Variants in THSD7B observed in about 807,000 individuals in gnomAD.
The protein encoded by THSD7B is thrombospondin type 1 domain containing 7B.
Under a neutral mutation model 213.6 loss-of-function variants are expected in THSD7B, and 138 were observed. That is an observed-to-expected ratio of 0.65 (90% confidence interval 0.56 to 0.74). The LOEUF (loss-of-function observed/expected upper bound fraction) is 0.74. Ranked by LOEUF, THSD7B falls within the 30% of genes least tolerant of loss-of-function variation. THSD7B has a pLI of 0.00. For synonymous variants in THSD7B, 742 were observed against 687.0 expected, an observed-to-expected ratio of 1.08 and a Z score of -1.25; for missense variants, 1,931 against 1,991.5, an observed-to-expected ratio of 0.97 and a Z score of 0.58.
intron 5 of THSD7B, among the ~76,000 whole-genome samples, chr2:137,155,164 G>A (rs1308518883): frequency 6.6e-6 from 1 of 152,200 alleles, no homozygotes; most frequent in African/African-American, 2.4e-5. Flanking sequence ...ATTTGTCTGA[G>A]TTATATGTTA....
At chr2:136,943,434 T>A (rs535234366) in intron 2 of THSD7B, among the ~76,000 whole-genome samples, 1 of 152,320 alleles carries the variant, frequency 6.6e-6, no homozygotes, top group Non-Finnish European at 1.5e-5. Context: ...TTCTATTAAT[T>A]GGAATAGTTT....
chr2:137,254,937 C>G (rs1682271669), intron 10 of THSD7B, among the ~76,000 whole-genome samples: 1 of 151,662 alleles, frequency 6.6e-6, no homozygotes, highest in Admixed American at 6.6e-5. Flanking sequence ...AGGGGGGGCT[C>G]TCATAGTGGA....
At chr2:137,411,441 G>C (rs1263699224) in intron 13 of THSD7B, among the ~76,000 whole-genome samples, 168 bp from the exon 14 acceptor site, 1 of 152,136 alleles carries the variant, frequency 6.6e-6, no homozygotes, top group African/African-American at 2.4e-5. Context: ...CAGTTGTTCT[G>C]GGAGTTGTTT....
At chr2:137,041,156 T>C (rs1179025162) in intron 2 of THSD7B, among the ~76,000 whole-genome samples, 1 of 152,202 alleles carries the variant, frequency 6.6e-6, no homozygotes. Flanking sequence ...TGTTGTGTGT[T>C]TAATCAATTT....
intron 3 of THSD7B, among the ~76,000 whole-genome samples, chr2:137,058,947 A>G (rs573799687): frequency 1.8e-4 from 28 of 152,308 alleles, no homozygotes; most frequent in African/African-American, 6.7e-4. Flanking sequence ...TTTTTAAGCC[A>G]TCCAGCTTCT....
chr2:137,047,058 G>A (rs1001337375), intron 2 of THSD7B, among the ~76,000 whole-genome samples: 3 of 152,198 alleles, frequency 2.0e-5, no homozygotes, highest in Non-Finnish European at 4.4e-5. Flanking sequence ...GATATAATTA[G>A]GTCCTATAGG....
At chr2:137,567,133 CTATTTTATTTTATTTTATTT>C (rs375165713) in intron 16 of THSD7B, among the ~76,000 whole-genome samples, 24 of 137,680 alleles carry the variant, frequency 1.7e-4, no homozygotes, top group Middle Eastern at 3.7e-3. Context: ...GTGACATGCT[CTATTTTATTTTATTTTATTT>C]TATTTTATTT....
chr2:137,219,512 C>T (rs1681320605), intron 7 of THSD7B, among the ~76,000 whole-genome samples: 1 of 152,100 alleles, frequency 6.6e-6, no homozygotes, highest in African/African-American at 2.4e-5. Flanking sequence ...AAGGCAAGCT[C>T]ATCTTGCTTT....
chr2:137,642,705 C>A (rs540289581), intron 21 of THSD7B, 72 bp downstream of exon 21: 4 of 1,517,098 alleles, frequency 2.6e-6, no homozygotes, highest in Admixed American at 2.1e-5. Context: ...CAAACCTATG[C>A]GCTGATGGAA....
intron 3 of THSD7B, among the ~76,000 whole-genome samples, chr2:137,077,695 G>T (rs1687660015): frequency 6.6e-6 from 1 of 151,286 alleles, no homozygotes; most frequent in African/African-American, 2.4e-5. Context: ...TTGTAAATTT[G>T]TTTGAGTTCA....
intron 12 of THSD7B, among the ~76,000 whole-genome samples, chr2:137,354,408 C>T (rs967722203): frequency 7.9e-5 from 12 of 152,062 alleles, no homozygotes; most frequent in African/African-American, 2.4e-4. Flanking sequence ...GGTATACTGT[C>T]GGAAAGAGCA....
intron 3 of THSD7B, among the ~76,000 whole-genome samples, chr2:137,077,287 C>T (rs927522864): frequency 1.4e-4 from 21 of 152,158 alleles, no homozygotes; most frequent in African/African-American, 5.1e-4. Flanking sequence ...AATAAACATA[C>T]TTGTGCATGT....
chr2:137,050,110 T>C (rs1687041972), intron 2 of THSD7B, among the ~76,000 whole-genome samples: 1 of 152,174 alleles, frequency 6.6e-6, no homozygotes, highest in Non-Finnish European at 1.5e-5. Flanking sequence ...TAAGATTCTC[T>C]TGCCACTCCT....
chr2:136,801,684 C>T (rs185594620), intron 1 of THSD7B, among the ~76,000 whole-genome samples: 30 of 152,034 alleles, frequency 2.0e-4, no homozygotes, highest in Middle Eastern at 6.8e-3. Context: ...AAGTATAAGA[C>T]GACATTTTGA....
chr2:137,440,659 G>T (rs954461070), intron 14 of THSD7B, among the ~76,000 whole-genome samples: 2 of 152,014 alleles, frequency 1.3e-5, no homozygotes, highest in African/African-American at 4.8e-5. Flanking sequence ...TTCAAGGGAA[G>T]TCAGAAATGT....
chr2:137,627,088 G>A (rs77418705), intron 20 of THSD7B, among the ~76,000 whole-genome samples: 3,921 of 152,246 alleles, frequency 0.026, 169 homozygotes, highest in African/African-American at 0.088. Flanking sequence ...AGGGGAGCAG[G>A]CATGTGCAAA....
At chr2:137,427,259 C>T (rs192437669) in intron 14 of THSD7B, among the ~76,000 whole-genome samples, 1 of 152,148 alleles carries the variant, frequency 6.6e-6, no homozygotes, top group African/African-American at 2.4e-5. Context: ...AAATACTGAA[C>T]TAATATATGA....
At chr2:137,187,228 C>T (rs1246929193) in intron 7 of THSD7B, among the ~76,000 whole-genome samples, 1 of 152,082 alleles carries the variant, frequency 6.6e-6, no homozygotes, top group Non-Finnish European at 1.5e-5. Flanking sequence ...AGGACAGAGG[C>T]AACACTGAGA....
chr2:137,252,493 G>A (rs1682207382), intron 10 of THSD7B, among the ~76,000 whole-genome samples: 1 of 152,008 alleles, frequency 6.6e-6, no homozygotes, highest in South Asian at 2.1e-4. Flanking sequence ...GTAGAGATGG[G>A]GTCTCGCCAT....
Sources: allele counts gnomAD v4.1 joint callset (sites outside exome capture counted in the v4.1 genomes callset), GRCh38; gene constraint gnomAD v4.1.1; transcripts MANE v1.5; gene names NCBI Gene and HGNC (gene_info 2026-07-23, HGNC 2026-07-21).